Variants in CACNA2D3 observed in about 807,000 individuals in gnomAD.
The protein encoded by CACNA2D3 is calcium voltage-gated channel auxiliary subunit alpha2delta 3.
Under a neutral mutation model 160.6 loss-of-function variants are expected in CACNA2D3, and 60 were observed. The ratio of observed to expected loss-of-function variants is 0.37; its 90% CI spans 0.30 to 0.46. CACNA2D3 has a LOEUF of 0.46. Ranked by LOEUF, CACNA2D3 falls within the 20% of genes least tolerant of loss-of-function variation. The pLI, the probability that CACNA2D3 is intolerant of heterozygous loss-of-function variation, is 1.00. For synonymous variants in CACNA2D3, 558 were observed against 492.9 expected (o/e 1.13, Z -1.75); for missense variants, 1,205 against 1,365.0 (o/e 0.88, Z 1.85).
intron 35 of CACNA2D3, among the ~76,000 whole-genome samples, chr3:55,070,432 T>C (rs970943339): frequency 2.6e-5 from 4 of 152,084 alleles, no homozygotes; most frequent in African/African-American, 9.7e-5. Flanking sequence ...AGAGACAGTT[T>C]TGTTTTTCCT....
In CACNA2D3 at chr3:54,468,244, T is replaced by A. The variant is rs188778669; in HGVS notation, c.382-35248T>A. Among the ~76,000 whole-genome samples, 368 of 152,262 alleles carry A rather than the reference T, an allele frequency of 2.4e-3. 3 individuals are homozygous for A. The highest frequency in any genetic ancestry group is 8.5e-3 in the African/African-American group (352 of 41,550). On this transcript the variant is annotated intron_variant, in intron 4 of 37. Coordinates refer to ENST00000474759, the MANE Select transcript of CACNA2D3 (RefSeq NM_018398.3). ...CCAACTGAGGTACCAAGTCATCTCATTGGGACTGGTTGGACAGTGGGTGCA... is the reference window on the plus strand; with the variant it reads ...CCAACTGAGGTACCAAGTCATCTCAATGGGACTGGTTGGACAGTGGGTGCA...
chr3:54,621,714 G>A (rs1698991232), intron 9 of CACNA2D3, among the ~76,000 whole-genome samples: 1 of 152,158 alleles, frequency 6.6e-6, no homozygotes, highest in South Asian at 2.1e-4. Flanking sequence ...TCGGGTCCTG[G>A]GGTCAGTGAA....
chr3:54,282,112 T>C (rs1702895207), intron 2 of CACNA2D3, among the ~76,000 whole-genome samples: 1 of 152,162 alleles, frequency 6.6e-6, no homozygotes, highest in Non-Finnish European at 1.5e-5. Context: ...CTTCATAAAA[T>C]GGAAAACATA....
chr3:54,861,255 G>A (rs530788421), intron 17 of CACNA2D3, among the ~76,000 whole-genome samples: 1 of 152,134 alleles, frequency 6.6e-6, no homozygotes, highest in Non-Finnish European at 1.5e-5. Flanking sequence ...TCCAAGAGGA[G>A]TTGAAATCCT....
intron 13 of CACNA2D3, among the ~76,000 whole-genome samples, chr3:54,776,253 C>T (rs909541368): frequency 9.2e-5 from 14 of 152,326 alleles, no homozygotes; most frequent in Middle Eastern, 6.8e-3. Context: ...GTGGCTTATA[C>T]CTGTAATTCC....
intron 31 of CACNA2D3, among the ~76,000 whole-genome samples, chr3:55,002,052 A>T (rs1333245313): frequency 1.3e-5 from 2 of 151,646 alleles, no homozygotes; most frequent in Non-Finnish European, 2.9e-5. Context: ...ACTACTCGGG[A>T]GGCTGAAGTG....
In CACNA2D3 at chr3:54,851,205, CTAAT is replaced by C. The variant is rs1427999731; in HGVS notation, c.1626+4740_1626+4743del. 2.6e-5 allele frequency among the ~76,000 whole-genome samples: 4 copies of C among 152,090 alleles called. No individual in the cohort carries two copies. In the South Asian group the frequency reaches 6.2e-4, roughly 24 times the overall value. On this transcript the variant is annotated intron_variant, in intron 17 of 37. Coordinates refer to ENST00000474759, the MANE Select transcript of CACNA2D3 (RefSeq NM_018398.3). ...ATGTGTTAATGCTTTTAATCACTGA[CTAAT>C]TGAATAGCAAGCCTAGGATATTATG... is the stretch of plus-strand genomic sequence containing the variant.
At chr3:54,154,204 T>C (rs1329879936) in intron 2 of CACNA2D3, among the ~76,000 whole-genome samples, 1 of 152,240 alleles carries the variant, frequency 6.6e-6, no homozygotes, top group Non-Finnish European at 1.5e-5. Context: ...AAGGTTTTAC[T>C]ATGTATCAAG....
At chr3:54,347,951 T>C (rs1698488046) in intron 3 of CACNA2D3, among the ~76,000 whole-genome samples, 1 of 152,230 alleles carries the variant, frequency 6.6e-6, no homozygotes, top group East Asian at 1.9e-4. Context: ...TATAGGGCTA[T>C]ATGCTTTTCG....
intron 13 of CACNA2D3, among the ~76,000 whole-genome samples, chr3:54,804,863 A>G (rs1378455508): frequency 6.6e-6 from 1 of 152,258 alleles, no homozygotes; most frequent in Non-Finnish European, 1.5e-5. Context: ...CTCAGACCAC[A>G]GTGCAATCAA....
At chr3:54,561,348 G>A (rs760795794) in intron 5 of CACNA2D3, among the ~76,000 whole-genome samples, 46 of 152,174 alleles carry the variant, frequency 3.0e-4, no homozygotes, top group Non-Finnish European at 6.3e-4. Context: ...TTGTGAATGG[G>A]AGTTCATTCA....
At chr3:54,434,033 T>A (rs573452907) in intron 4 of CACNA2D3, among the ~76,000 whole-genome samples, 1 of 152,266 alleles carries the variant, frequency 6.6e-6, no homozygotes, top group East Asian at 1.9e-4. Flanking sequence ...GCAGCAGCGC[T>A]CCGGTTCTCC....
intron 15 of CACNA2D3, 111 bp from the exon 16 acceptor site, chr3:54,838,457 G>C (rs1457016562): frequency 7.3e-6 from 6 of 823,796 alleles, no homozygotes; most frequent in Admixed American, 1.8e-5. Flanking sequence ...TCCTCAATCT[G>C]TATCAGTTTG....
intron 27 of CACNA2D3, among the ~76,000 whole-genome samples, chr3:54,904,358 G>A (rs1189844846): frequency 6.6e-6 from 1 of 152,140 alleles, no homozygotes; most frequent in Non-Finnish European, 1.5e-5. Flanking sequence ...CAGAATTGAA[G>A]CAAGATGGAA....
intron 12 of CACNA2D3, among the ~76,000 whole-genome samples, chr3:54,759,663 G>A (rs1397661511): frequency 6.6e-6 from 1 of 152,112 alleles, no homozygotes; most frequent in Non-Finnish European, 1.5e-5. Context: ...TATAGACTGG[G>A]GTTTGAGTAG....
intron 11 of CACNA2D3, among the ~76,000 whole-genome samples, chr3:54,719,070 AATC>A (rs1701118708): frequency 6.6e-6 from 1 of 151,828 alleles, no homozygotes; most frequent in African/African-American, 2.4e-5. Flanking sequence ...CTGTGTATAT[AATC>A]ATATTGTGTT....
chr3:54,275,097 G>A (rs9883365), intron 2 of CACNA2D3, among the ~76,000 whole-genome samples: 29,895 of 152,238 alleles, frequency 0.2, 3,102 homozygotes, highest in East Asian at 0.27. Flanking sequence ...ACTGCATGCC[G>A]TCTTGGGCAG....
At chr3:54,345,833 C>CT (rs58643454) in intron 3 of CACNA2D3, among the ~76,000 whole-genome samples, 22,621 of 141,332 alleles carry the variant, frequency 0.16, 1,751 homozygotes, top group South Asian at 0.2. Flanking sequence ...TCTTGATGCT[C>CT]TTTTTTTTTT....
intron 2 of CACNA2D3, among the ~76,000 whole-genome samples, chr3:54,203,319 G>A (rs538647745): frequency 2.6e-5 from 4 of 152,176 alleles, no homozygotes; most frequent in Admixed American, 2.0e-4. Flanking sequence ...ACCTCTAGGG[G>A]AGCATACAGA....
Sources: gnomAD v4.1 joint callset for allele counts (sites outside exome capture counted in the v4.1 genomes callset) on GRCh38, gnomAD v4.1.1 for gene constraint, MANE v1.5 for transcripts, NCBI Gene and HGNC (gene_info 2026-07-23, HGNC 2026-07-21) for gene names.